Variants in DUSP12 observed in about 807,000 individuals in gnomAD.
DUSP12 encodes the protein dual specificity protein phosphatase 12.
A neutral mutation model predicts 38.9 loss-of-function variants in DUSP12; 25 were observed. The observed-to-expected ratio is 0.64, with a 90% CI of 0.47 to 0.90. DUSP12 has a LOEUF of 0.90. DUSP12 is among the 40% of genes least tolerant of loss of function. The probability of loss-of-function intolerance (pLI) is 0.00; values close to 1 mark genes in which losing one functional copy is unlikely to be tolerated. For missense variants in DUSP12, 403 were observed against 427.0 expected (o/e 0.94, Z 0.50); for synonymous variants, 153 against 153.9 (o/e 0.99, Z 0.05).
At chr1:161,750,203 G>A (rs912974884) in intron 1 of DUSP12, 58 bp downstream of exon 1, 11 of 1,549,286 alleles carry the variant, frequency 7.1e-6, no homozygotes, top group Non-Finnish European at 6.1e-6. Flanking sequence ...GGCCCCCGTC[G>A]CCCCTTACCT....
chr1:161,753,705 G>A (rs1280876924), intron 5 of DUSP12, among the ~76,000 whole-genome samples: 1 of 141,280 alleles, frequency 7.1e-6, no homozygotes, highest in Non-Finnish European at 1.6e-5. Flanking sequence ...ATAAAAGAAA[G>A]TAAAAAATTT....
chr1:161,750,223 G>A, intron 1 of DUSP12, 78 bp downstream of exon 1: 2 of 1,481,620 alleles, frequency 1.3e-6, no homozygotes, highest in South Asian at 1.2e-5. Flanking sequence ...TTCCGAGGCC[G>A]TCGGGAGGAC....
At chr1:161,750,493 G>T (rs1409816235) in intron 1 of DUSP12, among the ~76,000 whole-genome samples, 1 of 152,228 alleles carries the variant, frequency 6.6e-6, no homozygotes, top group Non-Finnish European at 1.5e-5. Flanking sequence ...AGATTAGGTT[G>T]CTTGGTGTCT....
At chr1:161,756,649 AT>A (rs1391675866) in intron 5 of DUSP12, 136 bp from the exon 6 acceptor site, 11 of 934,830 alleles carry the variant, frequency 1.2e-5, no homozygotes, top group Non-Finnish European at 1.7e-5. Context: ...TTTCCAATGC[AT>A]TTTATCTCAC....
chr1:161,750,130 CG>C lies in DUSP12; in HGVS notation c.331del (p.Val111CysfsTer15). The C allele has an allele frequency of 6.2e-7, 1 of 1,613,304 alleles. No individual in the cohort carries two copies. The highest frequency in any genetic ancestry group is 8.5e-7 in the Non-Finnish European group (1 of 1,179,820). ...GGTCAGGCCCGCGCTGAGGGCCGTG[CG>C]GTGTTGGTGCACTGGTGAGTGGCCG... Reference protein sequence around the residue: ...FIGQARAEGRAVLVHCHAGVS... With the variant: ...FIGQARAEGRXVLVHCHAGVS... On this transcript the variant is annotated frameshift_variant, in exon 1 of 6. Coordinates refer to ENST00000367943, the MANE Select transcript of DUSP12 (RefSeq NM_007240.3). LOFTEE classifies it high-confidence loss of function.
intron 1 of DUSP12, 47 bp from the exon 2 acceptor site, chr1:161,751,621 T>G: frequency 6.4e-7 from 1 of 1,567,842 alleles, no homozygotes; most frequent in Non-Finnish European, 8.6e-7. Context: ...TGTTTTTTTT[T>G]TTAATTGTTG....
intron 4 of DUSP12, 131 bp from the exon 5 acceptor site, chr1:161,752,944 C>T (rs767872652): frequency 5.3e-5 from 44 of 836,940 alleles, no homozygotes; most frequent in Non-Finnish European, 7.7e-5. Flanking sequence ...GAGCCATGAT[C>T]ACGCCACTGC....
At chr1:161,752,781 G>A (rs910728275) in intron 4 of DUSP12, among the ~76,000 whole-genome samples, 1 of 152,122 alleles carries the variant, frequency 6.6e-6, no homozygotes, top group Non-Finnish European at 1.5e-5. Flanking sequence ...CCTGAGATTG[G>A]GAATTTGAGA....
intron 5 of DUSP12, 81 bp downstream of exon 5, chr1:161,753,342 C>A: frequency 8.5e-7 from 1 of 1,178,468 alleles, no homozygotes; most frequent in Non-Finnish European, 1.2e-6. Flanking sequence ...TCTATTTTAA[C>A]TAGTGTTTTG....
chr1:161,756,928 C>A lies in DUSP12; in HGVS notation c.1004C>A (p.Ser335Ter), dbSNP rs773738407. 1.2e-6 allele frequency: 2 copies of A among 1,611,488 alleles called. No homozygotes were observed. The highest frequency in any genetic ancestry group is 8.5e-7 in the Non-Finnish European group (1 of 1,178,412). ...ATGAAAATATTGCCTGTTTTGGGAT[C>A]ACAAACAGGAAAAATATGAACATGA... Reference protein sequence around the residue: ...DEMKILPVLGSQTGKI With the variant: ...DEMKILPVLG The change falls in exon 6 of 6, where the codon TCA becomes TAA. Residue 335 changes from serine (S) to a stop codon, truncating the protein, a stop_gained. Coordinates refer to ENST00000367943, the MANE Select transcript of DUSP12 (RefSeq NM_007240.3). LOFTEE classifies it high-confidence loss of function.
In DUSP12 at chr1:161,750,022, A is replaced by T; in HGVS notation, c.221A>T (p.Asp74Val). 1 of 1,613,976 alleles carries T rather than the reference A, an allele frequency of 6.2e-7. No individual in the cohort carries two copies. Among genetic ancestry groups the T allele is most frequent in the Non-Finnish European group, 8.5e-7 (1 of 1,179,968 alleles). Reference protein sequence around the residue: ...PSFKAGPGVEDLWRLFVPALD... With the variant: ...PSFKAGPGVEVLWRLFVPALD... ...TTCAAGGCGGGGCCTGGGGTCGAGG[A>T]TCTATGGCGCCTCTTCGTGCCAGCG... Residue 74 changes from aspartate to valine, a missense_variant, in exon 1 of 6, where the codon GAT becomes GTT. Coordinates refer to ENST00000367943, the MANE Select transcript of DUSP12 (RefSeq NM_007240.3).
chr1:161,751,007 C>T (rs1684011097), intron 1 of DUSP12: 1 of 152,160 alleles, frequency 6.6e-6, no homozygotes, highest in Non-Finnish European at 1.5e-5. Context: ...TTATTGAGCA[C>T]ATAAAAGAAG....
intron 5 of DUSP12, among the ~76,000 whole-genome samples, chr1:161,756,432 T>C (rs1684109189): frequency 6.7e-6 from 1 of 150,282 alleles, no homozygotes; most frequent in African/African-American, 2.4e-5. Context: ...TTCTATACTT[T>C]AGCCGTGATC....
At chr1:161,750,965 T>C (rs1401466113) in intron 1 of DUSP12, among the ~76,000 whole-genome samples, 2 of 152,052 alleles carry the variant, frequency 1.3e-5, no homozygotes, top group East Asian at 3.8e-4. Context: ...AAGCAGTTCT[T>C]GGTTGGATTG....
intron 5 of DUSP12, among the ~76,000 whole-genome samples, chr1:161,754,455 A>C (rs547516262): frequency 6.6e-6 from 1 of 152,282 alleles, no homozygotes; most frequent in South Asian, 2.1e-4. Context: ...ATCGTGTATT[A>C]GTCTATTTTC....
intron 1 of DUSP12, chr1:161,751,467 A>G: frequency 1.7e-6 from 1 of 593,078 alleles, no homozygotes; most frequent in Non-Finnish European, 2.8e-6. Context: ...TGAATAGGTA[A>G]TAGATTCACG....
intron 4 of DUSP12, among the ~76,000 whole-genome samples, chr1:161,752,668 A>G (rs375476102): frequency 3.3e-5 from 5 of 152,320 alleles, no homozygotes; most frequent in African/African-American, 1.2e-4. Context: ...AGTGTAATCA[A>G]TGTTACATTA....
At position 161,753,146 on chromosome 1, in the gene DUSP12, A is replaced by G. The variant is rs1250686609; in HGVS notation, c.746A>G (p.Lys249Arg). ...EGSGPIAFAH[K>R]RMTPSSMLTT... ...AGTGGACCTATAGCCTTTGCCCACAAGAGAATGACACCATCTTCCATGCTT... is the reference window on the plus strand; with the variant it reads ...AGTGGACCTATAGCCTTTGCCCACAGGAGAATGACACCATCTTCCATGCTT... The change falls in exon 5 of 6, where the codon AAG becomes AGG. Residue 249 changes from lysine (K) to arginine (R), a missense_variant. Transcript: ENST00000367943. 13 of 1,614,152 alleles carry G rather than the reference A, an allele frequency of 8.1e-6. No homozygotes were observed. The Middle Eastern group carries it at 8.2e-4, about 102-fold the overall frequency.
Position 161,749,872 on chromosome 1 carries a change from C to T in DUSP12, c.71C>T (p.Ala24Val). 2 of 1,610,892 alleles carry T rather than the reference C, an allele frequency of 1.2e-6. No individual in the cohort carries two copies. Among genetic ancestry groups the T allele is most frequent in the Non-Finnish European group, 1.7e-6 (2 of 1,178,662 alleles). ...CCCAGCGCCAGCAGAGTCAGCTGTG[C>T]CGGGCAGATGCTGGAAGTGCAGCCA... ...SNPSASRVSCAGQMLEVQPGL... is the reference protein window; with the variant it reads ...SNPSASRVSCVGQMLEVQPGL... The change falls in exon 1 of 6, where the codon GCC (alanine) becomes GTC (valine). Residue 24 changes from alanine (A) to valine (V), a missense_variant. Ala to Val is a moderately conservative substitution (Grantham distance 64). Transcript: ENST00000367943.
Sources: allele counts gnomAD v4.1 joint callset (sites outside exome capture counted in the v4.1 genomes callset), GRCh38; gene constraint gnomAD v4.1.1; transcripts MANE v1.5; gene names NCBI Gene and HGNC (gene_info 2026-07-23, HGNC 2026-07-21).